The following TMEM266 variants were observed in gnomAD, a reference collection of about 807,000 sequenced individuals.
TMEM266 encodes the protein transmembrane protein 266, also known as Hv1 related protein 1.
Under a neutral mutation model 50.5 loss-of-function variants are expected in TMEM266, and 33 were observed. The observed-to-expected ratio is 0.65, with a 90% confidence interval of 0.50 to 0.87. The LOEUF (loss-of-function observed/expected upper bound fraction) is 0.87. Ranked by LOEUF, TMEM266 falls within the 40% of genes least tolerant of loss-of-function variation. TMEM266 has a pLI of 0.00. For synonymous variants in TMEM266, 310 were observed against 292.3 expected, an observed-to-expected ratio of 1.06 and a Z score of -0.62; for missense variants, 655 against 695.1, an observed-to-expected ratio of 0.94 and a Z score of 0.65.
intron 9 of TMEM266, among the ~76,000 whole-genome samples, chr15:76,193,108 C>T (rs2038606934): frequency 6.6e-6 from 1 of 152,236 alleles, no homozygotes; most frequent in Non-Finnish European, 1.5e-5. Context: ...GTGTTCCCTT[C>T]TGTAAAATGG....
intron 5 of TMEM266, among the ~76,000 whole-genome samples, chr15:76,166,878 A>G (rs1256239990): frequency 6.6e-6 from 1 of 152,238 alleles, no homozygotes. Flanking sequence ...ATGGCTGCAC[A>G]GCAGTGTGAA....
At chr15:76,109,983 G>A (rs961719455) in intron 1 of TMEM266, among the ~76,000 whole-genome samples, 1 of 151,258 alleles carries the variant, frequency 6.6e-6, no homozygotes, top group Non-Finnish European at 1.5e-5. Flanking sequence ...TGAGTTAAAA[G>A]TCAATTTTTC....
At chr15:76,082,675 A>T (rs1317910329) in intron 1 of TMEM266, among the ~76,000 whole-genome samples, 1 of 152,154 alleles carries the variant, frequency 6.6e-6, no homozygotes, top group Non-Finnish European at 1.5e-5. Context: ...CTCTTTAAAC[A>T]ACCAGCTGTG....
chr15:76,086,935 G>GGT (rs1555445663), intron 1 of TMEM266, among the ~76,000 whole-genome samples: 1 of 151,338 alleles, frequency 6.6e-6, no homozygotes, highest in African/African-American at 2.4e-5. Context: ...GGTCGGGGGG[G>GGT]GGGCGGTGGT....
chr15:76,137,639 T>C (rs1364117690), intron 2 of TMEM266, 68 bp from the exon 3 acceptor site: 3 of 1,454,316 alleles, frequency 2.1e-6, no homozygotes, highest in African/African-American at 2.8e-5. Flanking sequence ...CTCCTTTCCT[T>C]GAGGAATGGA....
At position 76,090,767 on chromosome 15, in the gene TMEM266, G is replaced by A. The variant is rs137989823; in HGVS notation, c.-97+30751G>A. Among the ~76,000 whole-genome samples, 32 of 152,178 alleles carry A rather than the reference G, an allele frequency of 2.1e-4. 1 individual carries two copies. Among genetic ancestry groups the A allele is most frequent in the Non-Finnish European group, 4.6e-4 (31 of 67,998 alleles). ...GACTATTAGAAGCTGGGAAGGGTGA[G>A]GAAGAGGGTAGGACAGGGAGAGGTT... On this transcript the variant is annotated intron_variant, in intron 1 of 10. Coordinates refer to ENST00000388942, the MANE Select transcript of TMEM266 (RefSeq NM_152335.3).
At position 76,161,877 on chromosome 15, in the gene TMEM266, T is replaced by G. The variant is rs1353015387; in HGVS notation, c.456+1709T>G. Among the ~76,000 whole-genome samples, 1 of 152,226 alleles carries G rather than the reference T, an allele frequency of 6.6e-6. No homozygotes were observed. Among genetic ancestry groups the G allele is most frequent in the Non-Finnish European group, 1.5e-5 (1 of 68,030 alleles). On this transcript the variant is annotated intron_variant, in intron 5 of 10. Coordinates refer to ENST00000388942, the MANE Select transcript of TMEM266 (RefSeq NM_152335.3). The surrounding 1 kb of genome is among the most constrained non-coding windows in gnomAD (Gnocchi z 4.1). ...CCAGATGTCTCCTTGATGCAAACCT[T>G]GGAAAATGTGCCATGTGTCTGTGAC... is the stretch of plus-strand genomic sequence containing the variant.
At chr15:76,151,660 T>C (rs2037845209) in intron 3 of TMEM266, among the ~76,000 whole-genome samples, 1 of 152,148 alleles carries the variant, frequency 6.6e-6, no homozygotes, top group African/African-American at 2.4e-5. Context: ...GTCTCATCTC[T>C]CCTACTCCCA....
intron 9 of TMEM266, among the ~76,000 whole-genome samples, chr15:76,194,769 C>T (rs2038630402): frequency 6.6e-6 from 1 of 152,176 alleles, no homozygotes; most frequent in Non-Finnish European, 1.5e-5. Flanking sequence ...ATGTCTGGGT[C>T]TAGATTTCCC....
At chr15:76,062,873 C>T (rs1012518322) in intron 1 of TMEM266, among the ~76,000 whole-genome samples, 6 of 152,134 alleles carry the variant, frequency 3.9e-5, no homozygotes, top group South Asian at 4.1e-4. Flanking sequence ...ATTCCCTTCA[C>T]GAGAGTTTTT....
At chr15:76,144,898 C>T (rs2037734526) in intron 3 of TMEM266, among the ~76,000 whole-genome samples, 1 of 152,212 alleles carries the variant, frequency 6.6e-6, no homozygotes, top group Non-Finnish European at 1.5e-5. Flanking sequence ...AGCTCAATGT[C>T]TTCTCCTTCA....
At chr15:76,195,315 G>A (rs941192533) in intron 9 of TMEM266, among the ~76,000 whole-genome samples, 24 of 152,152 alleles carry the variant, frequency 1.6e-4, no homozygotes, top group African/African-American at 5.6e-4. Flanking sequence ...TCTTCAAGCC[G>A]GTAACTGATC....
At chr15:76,155,199 C>G (rs1173052228) in intron 3 of TMEM266, among the ~76,000 whole-genome samples, 1 of 152,210 alleles carries the variant, frequency 6.6e-6, no homozygotes, top group Non-Finnish European at 1.5e-5. Flanking sequence ...AGTGTGGCCT[C>G]CTGGGCTGGT....
chr15:76,154,925 C>T (rs185055271), intron 3 of TMEM266, among the ~76,000 whole-genome samples: 10 of 152,328 alleles, frequency 6.6e-5, no homozygotes, highest in African/African-American at 1.9e-4. Flanking sequence ...TTATTCCTTC[C>T]GAGAGAAGGG....
chr15:76,087,983 C>A (rs2036797911), intron 1 of TMEM266, among the ~76,000 whole-genome samples: 1 of 152,210 alleles, frequency 6.6e-6, no homozygotes, highest in African/African-American at 2.4e-5. Flanking sequence ...TTATCTCTTA[C>A]AACTTCTTTG....
chr15:76,110,122 C>T (rs1316042576), intron 1 of TMEM266, among the ~76,000 whole-genome samples: 1 of 152,096 alleles, frequency 6.6e-6, no homozygotes, highest in African/African-American at 2.4e-5. Flanking sequence ...GCCTCAGCCT[C>T]CCGAGAAGCT....
At chr15:76,101,847 G>A (rs1334686605) in intron 1 of TMEM266, among the ~76,000 whole-genome samples, 1 of 152,238 alleles carries the variant, frequency 6.6e-6, no homozygotes, top group Non-Finnish European at 1.5e-5. Context: ...CACAGGTTGG[G>A]GGTAGATGCT....
In TMEM266 at chr15:76,139,496, C is replaced by T. The variant is rs761743842; in HGVS notation, c.227+1601C>T. On this transcript the variant is annotated intron_variant, in intron 3 of 10. Coordinates refer to ENST00000388942, the MANE Select transcript of TMEM266 (RefSeq NM_152335.3). This position sits in a 1 kb window ranked among gnomAD's most constrained non-coding sequence, Gnocchi z 4.1. The stretch of plus-strand genomic sequence containing the variant: ...AGGGCCAGCTTCGTGCACATGTGAC[C>T]TGTGCGGTAGCGCAGAGCCCCGTAC... 1.4e-4 allele frequency among the ~76,000 whole-genome samples: 21 copies of T among 152,222 alleles called. No homozygotes were observed. The highest frequency in any genetic ancestry group is 8.8e-5 in the Non-Finnish European group (6 of 68,042).
chr15:76,106,364 A>G (rs186358662), intron 1 of TMEM266, among the ~76,000 whole-genome samples: 1 of 152,152 alleles, frequency 6.6e-6, no homozygotes, highest in East Asian at 1.9e-4. Context: ...TTTTAAATTG[A>G]CAAATAAAAA....
Sources: allele counts gnomAD v4.1 joint callset (sites outside exome capture counted in the v4.1 genomes callset), GRCh38; gene constraint gnomAD v4.1.1; non-coding constraint Gnocchi (gnomAD v3.1); transcripts MANE v1.5; gene names NCBI Gene and HGNC (gene_info 2026-07-23, HGNC 2026-07-21).